Variants in KLHL1 observed in about 807,000 individuals in gnomAD.
The protein encoded by KLHL1 is kelch-like protein 1.
In KLHL1, 47 loss-of-function variants were observed where a neutral mutation model predicts 77.7. The ratio of observed to expected loss-of-function variants is 0.60; its 90% CI spans 0.48 to 0.77. The LOEUF is 0.77. KLHL1 is among the 30% of genes least tolerant of loss of function. The pLI is 0.00. For synonymous variants in KLHL1, 360 were observed against 325.2 expected (o/e 1.11, Z -1.15); for missense variants, 925 against 910.8 (o/e 1.02, Z -0.20).
intron 1 of KLHL1, among the ~76,000 whole-genome samples, chr13:70,023,119 C>A (rs1320527006): frequency 6.6e-6 from 1 of 151,844 alleles, no homozygotes; most frequent in Non-Finnish European, 1.5e-5. Flanking sequence ...TTTCTTTATG[C>A]TTTTCTGAGG....
At chr13:70,033,354 C>A (rs542002176) in intron 1 of KLHL1, among the ~76,000 whole-genome samples, 44 of 151,950 alleles carry the variant, frequency 2.9e-4, no homozygotes, top group African/African-American at 7.5e-4. Context: ...CAGTGGCGCG[C>A]TCTCGGCTCA....
intron 5 of KLHL1, among the ~76,000 whole-genome samples, chr13:69,856,448 C>CG (rs778142377): frequency 3.3e-5 from 5 of 152,010 alleles, no homozygotes; most frequent in Non-Finnish European, 7.4e-5. Context: ...CAGGAGTCTT[C>CG]TATTTTCTGC....
At chr13:69,913,273 C>A (rs187933541) in intron 4 of KLHL1, among the ~76,000 whole-genome samples, 31 of 152,304 alleles carry the variant, frequency 2.0e-4, no homozygotes, top group Non-Finnish European at 3.7e-4. Flanking sequence ...CTCCAGCAAG[C>A]CCAAGTTTGG....
rs190124831 is a variant in KLHL1, at chr13:69,965,403, A to G, written c.681-3959T>C. Among the ~76,000 whole-genome samples, 4 of 152,300 alleles carry G rather than the reference A, an allele frequency of 2.6e-5. No individual in the cohort carries two copies. In the East Asian group the frequency reaches 5.8e-4, roughly 22 times the overall value. Reference sequence around the variant, plus strand: ...TTCTTGTTTGGCGGTGTCATAAACTATACCTATATCAGACAATAAACTCAG... The same window carrying G: ...TTCTTGTTTGGCGGTGTCATAAACTGTACCTATATCAGACAATAAACTCAG... On this transcript the variant is annotated intron_variant, in intron 2 of 10. Transcript: ENST00000377844.
At chr13:69,985,818 AT>A (rs900091928) in intron 1 of KLHL1, among the ~76,000 whole-genome samples, 2 of 146,800 alleles carry the variant, frequency 1.4e-5, no homozygotes, top group African/African-American at 2.5e-5. Flanking sequence ...TATATTATAT[AT>A]TATATATATA....
rs776644824 is a variant in KLHL1, at chr13:70,107,455, G to A, written c.245C>T (p.Pro82Leu). The change falls in exon 1 of 11, where the codon CCG (proline) becomes CTG (leucine). Residue 82 changes from proline to leucine, a missense_variant. Transcript: ENST00000377844. ...ATTGAAGGAAGAGGAGGAAGAGGACGGGGAGGACGATGAAGAGGAAGAGGA... is the reference window on the plus strand; with the variant it reads ...ATTGAAGGAAGAGGAGGAAGAGGACAGGGAGGACGATGAAGAGGAAGAGGA... Reference protein sequence around the residue: ...PSSSSSSSSSPSSSSSSFNPL... With the variant: ...PSSSSSSSSSLSSSSSSFNPL... 1.6e-5 allele frequency: 26 copies of A among 1,614,080 alleles called. No homozygotes were observed. The highest frequency in any genetic ancestry group is 5.5e-5 in the South Asian group (5 of 91,088).
intron 1 of KLHL1, among the ~76,000 whole-genome samples, chr13:70,044,518 G>GT (rs906412714): frequency 2.3e-3 from 350 of 150,578 alleles, no homozygotes; most frequent in African/African-American, 7.5e-3. Flanking sequence ...ACATTTTAAT[G>GT]TTTTTTTTTG....
chr13:69,946,214 G>A (rs988960712), intron 3 of KLHL1, among the ~76,000 whole-genome samples: 2 of 152,168 alleles, frequency 1.3e-5, no homozygotes, highest in South Asian at 2.1e-4. Flanking sequence ...GATTGCAAAA[G>A]GACATGAGAA....
intron 6 of KLHL1, among the ~76,000 whole-genome samples, chr13:69,799,805 C>T (rs931373723): frequency 1.3e-5 from 2 of 152,150 alleles, no homozygotes; most frequent in African/African-American, 4.8e-5. Context: ...ACTTCCAGGA[C>T]GTGGACCAGT....
rs879920380 is a variant in KLHL1, at chr13:70,095,199, G to A, written c.497+12004C>T. 4.6e-5 allele frequency among the ~76,000 whole-genome samples: 7 copies of A among 152,214 alleles called. No homozygotes were observed. In the East Asian group the frequency reaches 1.2e-3, roughly 25 times the overall value. Reference sequence around the variant, plus strand: ...TCTAAGTGAAATTTGGGAAAGGCATGGGATTTTGAGACCCTCTATAAAAGA... The same window carrying A: ...TCTAAGTGAAATTTGGGAAAGGCATAGGATTTTGAGACCCTCTATAAAAGA... On this transcript the variant is annotated intron_variant, in intron 1 of 10. Transcript: ENST00000377844.
chr13:69,799,805 C>A (rs931373723), intron 6 of KLHL1, among the ~76,000 whole-genome samples: 1 of 152,150 alleles, frequency 6.6e-6, no homozygotes, highest in African/African-American at 2.4e-5. Context: ...ACTTCCAGGA[C>A]GTGGACCAGT....
chr13:70,023,764 T>C (rs1885861938), intron 1 of KLHL1, among the ~76,000 whole-genome samples: 1 of 151,960 alleles, frequency 6.6e-6, no homozygotes, highest in East Asian at 1.9e-4. Context: ...TCTAGCTTTC[T>C]AGCTTGTTTG....
At chr13:70,023,298 T>A (rs928398975) in intron 1 of KLHL1, among the ~76,000 whole-genome samples, 2 of 151,922 alleles carry the variant, frequency 1.3e-5, no homozygotes, top group Admixed American at 6.6e-5. Context: ...TCTACGTGTG[T>A]GTACCTGAGT....
At chr13:69,824,153 C>G (rs968961984) in intron 6 of KLHL1, among the ~76,000 whole-genome samples, 1 of 151,864 alleles carries the variant, frequency 6.6e-6, no homozygotes, top group African/African-American at 2.4e-5. Context: ...TCAAAAGCTT[C>G]CACATTAAAT....
chr13:70,100,875 T>C (rs943806893), intron 1 of KLHL1, among the ~76,000 whole-genome samples: 1 of 152,210 alleles, frequency 6.6e-6, no homozygotes, highest in Non-Finnish European at 1.5e-5. Flanking sequence ...AATAATGTGA[T>C]GTATTGGTCA....
chr13:69,881,772 C>T (rs1454166243), intron 5 of KLHL1, among the ~76,000 whole-genome samples: 2 of 152,120 alleles, frequency 1.3e-5, no homozygotes, highest in African/African-American at 4.8e-5. Context: ...ATTCTAATTG[C>T]TAACTACTGT....
At chr13:69,921,028 GC>G (rs1882615348) in intron 4 of KLHL1, among the ~76,000 whole-genome samples, 2 of 152,224 alleles carry the variant, frequency 1.3e-5, no homozygotes, top group East Asian at 3.9e-4. Context: ...AAAATGAAGA[GC>G]CTCTGTATGT....
chr13:69,753,993 T>C (rs1437767340), intron 7 of KLHL1, among the ~76,000 whole-genome samples: 2 of 139,308 alleles, frequency 1.4e-5, no homozygotes, highest in Non-Finnish European at 3.1e-5. Flanking sequence ...TGTTCCACCA[T>C]GCCTGGCTAA....
intron 6 of KLHL1, among the ~76,000 whole-genome samples, chr13:69,804,439 TA>T (rs553385689): frequency 2.6e-5 from 4 of 152,124 alleles, no homozygotes; most frequent in Non-Finnish European, 4.4e-5. Flanking sequence ...AATTCAGTGA[TA>T]AAAAGTTTTC....
Sources: gnomAD v4.1 joint callset for allele counts (sites outside exome capture counted in the v4.1 genomes callset) on GRCh38, gnomAD v4.1.1 for gene constraint, MANE v1.5 for transcripts, NCBI Gene and HGNC (gene_info 2026-07-23, HGNC 2026-07-21) for gene names.